SYNE1: variants seen among roughly 807,000 people sequenced by gnomAD.
SYNE1 encodes the protein spectrin repeat containing nuclear envelope protein 1, also known as nesprin-1.
A neutral mutation model predicts 1,111.0 loss-of-function variants in SYNE1; 616 were observed. The observed-to-expected ratio is 0.55, with a 90% CI of 0.52 to 0.59. SYNE1 has a LOEUF of 0.59. SYNE1 is among the 20% of genes least tolerant of loss of function. The pLI is 0.00. For missense variants in SYNE1, 10,006 were observed against 10,417.0 expected, an observed-to-expected ratio of 0.96 and a Z score of 1.72; for synonymous variants, 3,855 against 3,825.8, an observed-to-expected ratio of 1.01 and a Z score of -0.28.
At chr6:152,251,480 C>T (rs946934950) in intron 104 of SYNE1, among the ~76,000 whole-genome samples, 2 of 151,868 alleles carry the variant, frequency 1.3e-5, no homozygotes, top group Admixed American at 6.6e-5. Context: ...AAATGCAGGC[C>T]GGGCGCGGTG....
chr6:152,323,520 G>T lies in SYNE1; in HGVS notation c.15875C>A (p.Pro5292Gln), dbSNP rs200626370. The T allele has an allele frequency of 6.2e-6, 10 of 1,614,100 alleles. No individual in the cohort carries two copies. Among genetic ancestry groups the T allele is most frequent in the Admixed American group, 1.7e-5 (1 of 60,026 alleles). Reference protein sequence around the residue: ...GAAPTPGEEPPLMQEITAMQD... With the variant: ...GAAPTPGEEPQLMQEITAMQD... ...CATGGCGGTGATTTCCTGCATGAGC[G>T]GAGGCTCTTCCCCAGGGGTTGGGGC... The change falls in exon 82 of 146, where the codon CCG becomes CAG. Residue 5292 changes from proline to glutamine, a missense_variant. Physicochemically the swap from Pro to Gln is moderately conservative, Grantham distance 76. Around this residue, in one of 7 missense-constraint regions of SYNE1, gnomAD observed 4,955 missense variants for 5,017.2 expected, o/e 0.99. Transcript: ENST00000367255.
intron 145 of SYNE1, chr6:152,126,081 TA>T (rs1045480634): frequency 1.3e-5 from 2 of 152,240 alleles, no homozygotes; most frequent in Non-Finnish European, 2.9e-5. Flanking sequence ...GAGCATTTTT[TA>T]TTAAAATTTA....
chr6:152,304,538 G>A (rs928248707), intron 91 of SYNE1, among the ~76,000 whole-genome samples: 9 of 152,030 alleles, frequency 5.9e-5, no homozygotes, highest in Admixed American at 1.3e-4. Context: ...TGGCCAAGCT[G>A]GTCTCGAACT....
chr6:152,139,718 AAAGAAAG>A (rs1458962017), intron 140 of SYNE1, among the ~76,000 whole-genome samples: 3 of 1,610 alleles, frequency 1.9e-3, no homozygotes, highest in East Asian at 0.042. Context: ...AAAGAAAGAA[AAAGAAAG>A]AAAGAAAGAA....
At chr6:152,255,360 T>C (rs1040915608) in intron 103 of SYNE1, among the ~76,000 whole-genome samples, 14 of 152,236 alleles carry the variant, frequency 9.2e-5, no homozygotes, top group African/African-American at 1.2e-4. Context: ...TTTGGAAGAT[T>C]TGTGATACAT....
chr6:152,217,952 T>C (rs1452405453), intron 121 of SYNE1, among the ~76,000 whole-genome samples: 1 of 152,120 alleles, frequency 6.6e-6, no homozygotes, highest in Non-Finnish European at 1.5e-5. Context: ...TGGGTGTGGT[T>C]GCTCATTCCT....
Position 152,462,840 on chromosome 6 carries a change from A to C in SYNE1, c.2148T>G (p.Cys716Trp). The change falls in exon 20 of 146, where the codon TGT becomes TGG. Residue 716 changes from cysteine to tryptophan, a missense_variant. Around this residue, in one of 7 missense-constraint regions of SYNE1, gnomAD observed 1,971 missense variants for 2,084.1 expected, o/e 0.95. Coordinates refer to ENST00000367255, the MANE Select transcript of SYNE1 (RefSeq NM_182961.4). ...MDRMKKEYTDCVVTLSAFATE... is the reference protein window; with the variant it reads ...MDRMKKEYTDWVVTLSAFATE... ...TTGCAAAAGCAGACAGGGTAACAAC[A>C]CAGTCTGTGTATTCCTTCTTCATTC... 2 of 1,613,990 alleles carry C rather than the reference A, an allele frequency of 1.2e-6. No individual in the cohort carries two copies. The highest frequency in any genetic ancestry group is 1.7e-6 in the Non-Finnish European group (2 of 1,179,920).
At chr6:152,605,014 G>A (rs546901068) in intron 3 of SYNE1, among the ~76,000 whole-genome samples, 145 of 54,160 alleles carry the variant, frequency 2.7e-3, no homozygotes, top group East Asian at 4.0e-3. Context: ...GAAAGAGAGA[G>A]AGAGAGAGAG....
At chr6:152,247,855 A>AACACACAC (rs10592346) in intron 105 of SYNE1, among the ~76,000 whole-genome samples, 6 of 89,894 alleles carry the variant, frequency 6.7e-5, no homozygotes, top group African/African-American at 2.7e-4. Flanking sequence ...GGTGTTCTTT[A>AACACACAC]ACACACACAC....
chr6:152,525,703 G>T (rs189045663), intron 5 of SYNE1, among the ~76,000 whole-genome samples: 2 of 152,050 alleles, frequency 1.3e-5, no homozygotes, highest in African/African-American at 2.4e-5. Context: ...ACACAGATAT[G>T]GACCAACATT....
intron 3 of SYNE1, among the ~76,000 whole-genome samples, chr6:152,584,311 CTT>C (rs1431081632): frequency 6.6e-6 from 1 of 152,074 alleles, no homozygotes; most frequent in Non-Finnish European, 1.5e-5. Flanking sequence ...TCATACTATA[CTT>C]TAACTTTTTA....
intron 3 of SYNE1, among the ~76,000 whole-genome samples, chr6:152,596,366 A>G (rs1260004191): frequency 6.7e-6 from 1 of 149,760 alleles, no homozygotes; most frequent in Non-Finnish European, 1.5e-5. Context: ...AGAGATGCTC[A>G]TGCCTGAGCA....
At chr6:152,360,365 T>C (rs1305117913) in intron 64 of SYNE1, among the ~76,000 whole-genome samples, 2 of 152,168 alleles carry the variant, frequency 1.3e-5, no homozygotes, top group African/African-American at 4.8e-5. Flanking sequence ...GACCTGCTTT[T>C]TATTCTATCC....
At chr6:152,484,231 G>A (rs7755453) in intron 13 of SYNE1, among the ~76,000 whole-genome samples, 78,164 of 150,652 alleles carry the variant, frequency 0.52, 21,942 homozygotes, top group East Asian at 0.75. Context: ...ATAAAATAAA[G>A]TAAAGAATAT....
In SYNE1 at chr6:152,371,393, C is replaced by T. The variant is rs1000221002; in HGVS notation, c.9507+1644G>A. On this transcript the variant is annotated intron_variant, in intron 59 of 145. Transcript: ENST00000367255. ...AAGGATGTATTTGCTTCCCCTTCTG[C>T]CATGATTGTAAATTTCCTGAGGCCT... Among the ~76,000 whole-genome samples, 3 of 151,568 alleles carry T rather than the reference C, an allele frequency of 2.0e-5. No individual in the cohort carries two copies. In the East Asian group the frequency reaches 5.9e-4, roughly 30 times the overall value.
intron 130 of SYNE1, among the ~76,000 whole-genome samples, chr6:152,169,488 G>C (rs11962846): frequency 0.1 from 14,911 of 145,186 alleles, 826 homozygotes; most frequent in African/African-American, 0.16. Flanking sequence ...CGTGAACCTG[G>C]GAGGCAGAGC....
intron 60 of SYNE1, 44 bp from the exon 61 acceptor site, chr6:152,369,171 C>CA (rs775277769): frequency 6.2e-7 from 1 of 1,605,488 alleles, no homozygotes; most frequent in South Asian, 1.1e-5. Context: ...TGGGGAAAAG[C>CA]ACATCGCGGA....
At chr6:152,337,494 G>A (rs2096426201) in intron 75 of SYNE1, among the ~76,000 whole-genome samples, 1 of 152,150 alleles carries the variant, frequency 6.6e-6, no homozygotes, top group Non-Finnish European at 1.5e-5. Flanking sequence ...TCTCTACGTT[G>A]GTCAGGCTGG....
intron 145 of SYNE1, among the ~76,000 whole-genome samples, chr6:152,130,416 C>G (rs538498939): frequency 6.6e-6 from 1 of 152,254 alleles, no homozygotes; most frequent in East Asian, 1.9e-4. Flanking sequence ...TGCCATGAAT[C>G]AAATGGCAGT....
Sources: gnomAD v4.1 joint callset for allele counts (sites outside exome capture counted in the v4.1 genomes callset) on GRCh38, gnomAD v4.1.1 for gene constraint, gnomAD v4.1.1 regional missense constraint, MANE v1.5 for transcripts, NCBI Gene and HGNC (gene_info 2026-07-23, HGNC 2026-07-21) for gene names.